CWC27: variants seen among roughly 807,000 people sequenced by gnomAD.
The protein encoded by CWC27 is spliceosome-associated protein CWC27 homolog.
Under a neutral mutation model 63.6 loss-of-function variants are expected in CWC27, and 47 were observed. The ratio of observed to expected loss-of-function variants is 0.74; its 90% CI spans 0.58 to 0.94. The LOEUF (loss-of-function observed/expected upper bound fraction) is 0.94, where lower values mean the gene tolerates loss of function less well. Among genes scored for constraint, CWC27 ranks in the 40% least tolerant of loss-of-function variants. CWC27 has a pLI of 0.00. For missense variants in CWC27, 495 were observed against 554.3 expected (o/e 0.89, Z 1.07); for synonymous variants, 175 against 179.8 (o/e 0.97, Z 0.22).
intron 11 of CWC27, among the ~76,000 whole-genome samples, chr5:64,891,343 A>T (rs1217259288): frequency 6.6e-6 from 1 of 152,208 alleles, no homozygotes. Context: ...TAGCTAGGGC[A>T]GTCGGCCTCT....
chr5:64,772,946 A>T (rs1743320146), intron 1 of CWC27, among the ~76,000 whole-genome samples: 1 of 152,038 alleles, frequency 6.6e-6, no homozygotes, highest in African/African-American at 2.4e-5. Context: ...CAAAAAAAAA[A>T]AAAGGCACTT....
intron 11 of CWC27, among the ~76,000 whole-genome samples, chr5:64,940,951 A>G (rs1748466499): frequency 1.4e-5 from 2 of 143,964 alleles, no homozygotes; most frequent in Non-Finnish European, 3.0e-5. Flanking sequence ...AGTTCAAGCG[A>G]TTCTCCTGCC....
intron 3 of CWC27, among the ~76,000 whole-genome samples, chr5:64,782,236 T>C (rs1191914736): frequency 6.6e-6 from 1 of 151,866 alleles, no homozygotes; most frequent in African/African-American, 2.4e-5. Context: ...TCACTTGAGG[T>C]CGGGAGTTTG....
intron 13 of CWC27, among the ~76,000 whole-genome samples, chr5:65,013,777 T>C (rs1244398312): frequency 6.6e-6 from 1 of 152,160 alleles, no homozygotes; most frequent in African/African-American, 2.4e-5. Context: ...AGTTCCTAAG[T>C]TAGGGTGGCT....
intron 11 of CWC27, among the ~76,000 whole-genome samples, chr5:64,931,454 A>G (rs1426567595): frequency 2.6e-5 from 4 of 151,780 alleles, no homozygotes; most frequent in African/African-American, 9.7e-5. Context: ...ACTTATTTAA[A>G]TTGATAAACT....
intron 11 of CWC27, among the ~76,000 whole-genome samples, chr5:64,967,008 T>A (rs768142752): frequency 6.6e-5 from 10 of 152,092 alleles, no homozygotes; most frequent in Non-Finnish European, 1.0e-4. Context: ...TCTTTTTTTT[T>A]ACATTCCCAT....
intron 10 of CWC27, among the ~76,000 whole-genome samples, chr5:64,865,825 A>G (rs189741601): frequency 6.6e-6 from 1 of 152,208 alleles, no homozygotes; most frequent in Admixed American, 6.5e-5. Flanking sequence ...CTAGTCATAT[A>G]TATAAACATT....
chr5:64,864,013 C>G (rs538959622), intron 10 of CWC27, among the ~76,000 whole-genome samples: 3 of 152,124 alleles, frequency 2.0e-5, no homozygotes, highest in African/African-American at 7.2e-5. Context: ...GAAAAGCTTT[C>G]ACTCATCAAC....
intron 13 of CWC27, among the ~76,000 whole-genome samples, chr5:64,988,728 T>G (rs890915004): frequency 1.3e-5 from 2 of 151,876 alleles, no homozygotes; most frequent in African/African-American, 4.8e-5. Flanking sequence ...CTCAGGCTCC[T>G]GAGTAGCTGG....
chr5:64,792,673 CCTTTA>C (rs1744125579), intron 7 of CWC27, among the ~76,000 whole-genome samples: 1 of 152,014 alleles, frequency 6.6e-6, no homozygotes, highest in African/African-American at 2.4e-5. Context: ...AACATTATAC[CCTTTA>C]CTTTATAACT....
At chr5:64,982,567 G>A (rs1238696393) in intron 13 of CWC27, among the ~76,000 whole-genome samples, 3 of 151,428 alleles carry the variant, frequency 2.0e-5, no homozygotes, top group East Asian at 1.9e-4. Flanking sequence ...TGATCTTCCC[G>A]CTTCGGCCTC....
At chr5:64,819,732 C>T (rs888804818) in intron 10 of CWC27, among the ~76,000 whole-genome samples, 4 of 152,062 alleles carry the variant, frequency 2.6e-5, no homozygotes, top group Admixed American at 6.6e-5. Context: ...TTATTAGTAG[C>T]GTGAGAATGG....
intron 10 of CWC27, among the ~76,000 whole-genome samples, chr5:64,852,138 G>C (rs1240323754): frequency 1.3e-5 from 2 of 152,132 alleles, no homozygotes; most frequent in Admixed American, 1.3e-4. Context: ...CTTAGAGAGG[G>C]AAACATAAGT....
At chr5:64,906,099 T>C (rs889229330) in intron 11 of CWC27, among the ~76,000 whole-genome samples, 2 of 152,154 alleles carry the variant, frequency 1.3e-5, no homozygotes, top group Non-Finnish European at 2.9e-5. Context: ...TTTAGGTGGG[T>C]TCGAAGTCTT....
chr5:64,838,683 C>A (rs1374955829), intron 10 of CWC27, among the ~76,000 whole-genome samples: 1 of 152,158 alleles, frequency 6.6e-6, no homozygotes, highest in Non-Finnish European at 1.5e-5. Flanking sequence ...CACAAACTTA[C>A]AAGTGCTCCG....
chr5:64,944,467 A>G (rs1302406455), intron 11 of CWC27, among the ~76,000 whole-genome samples: 1 of 152,144 alleles, frequency 6.6e-6, no homozygotes, highest in Non-Finnish European at 1.5e-5. Flanking sequence ...TACTAAATTT[A>G]TTTGAAAACA....
chr5:64,960,164 G>T (rs1748881149), intron 11 of CWC27, among the ~76,000 whole-genome samples: 1 of 151,044 alleles, frequency 6.6e-6, no homozygotes, highest in South Asian at 2.1e-4. Flanking sequence ...ATACCCAGTT[G>T]GTTACCTGAT....
chr5:65,011,555 A>T (rs1749957060), intron 13 of CWC27, among the ~76,000 whole-genome samples: 1 of 152,182 alleles, frequency 6.6e-6, no homozygotes, highest in African/African-American at 2.4e-5. Context: ...ATGTGATGGG[A>T]GAAGGAGATG....
At chr5:64,848,933 A>G (rs1261076600) in intron 10 of CWC27, among the ~76,000 whole-genome samples, 1 of 152,202 alleles carries the variant, frequency 6.6e-6, no homozygotes, top group Non-Finnish European at 1.5e-5. Flanking sequence ...GAAACAAGGT[A>G]AGGATGCCCA....
Sources: gnomAD v4.1 joint callset for allele counts (sites outside exome capture counted in the v4.1 genomes callset) on GRCh38, gnomAD v4.1.1 for gene constraint, MANE v1.5 for transcripts, NCBI Gene and HGNC (gene_info 2026-07-23, HGNC 2026-07-21) for gene names.